The following PDE4D variants were observed in gnomAD, a reference collection of about 807,000 sequenced individuals.
PDE4D encodes the protein phosphodiesterase 4D.
In PDE4D, 24 loss-of-function variants were observed where a neutral mutation model predicts 87.4. The ratio of observed to expected loss-of-function variants is 0.27; its 90% CI spans 0.20 to 0.39. The LOEUF (loss-of-function observed/expected upper bound fraction) is 0.39. PDE4D is among the 10% of genes least tolerant of loss of function. The pLI is 1.00. For missense variants in PDE4D, 714 were observed against 1,041.0 expected, an observed-to-expected ratio of 0.69 and a Z score of 4.32; for synonymous variants, 384 against 383.2, an observed-to-expected ratio of 1.00 and a Z score of -0.02.
intron 1 of PDE4D, among the ~76,000 whole-genome samples, chr5:59,460,906 G>A (rs911717835): frequency 5.3e-5 from 8 of 152,174 alleles, no homozygotes; most frequent in South Asian, 4.1e-4. Context: ...CACTTGATTA[G>A]TAAATCACTC....
chr5:60,337,417 T>G, intron 1 of PDE4D, among the ~76,000 whole-genome samples: 1 of 110,890 alleles, frequency 9.0e-6, no homozygotes, highest in Non-Finnish European at 1.8e-5. Flanking sequence ...ATATATCAAT[T>G]CATAGATCAG....
At chr5:59,031,397 T>C (rs1392292482) in intron 6 of PDE4D, among the ~76,000 whole-genome samples, 1 of 93,662 alleles carries the variant, frequency 1.1e-5, no homozygotes, top group Non-Finnish European at 2.2e-5. Context: ...ATATATTATA[T>C]ATATATATAT....
At chr5:59,250,355 TG>T (rs1200593653) in intron 1 of PDE4D, among the ~76,000 whole-genome samples, 1 of 141,328 alleles carries the variant, frequency 7.1e-6, no homozygotes, top group Admixed American at 7.1e-5. Flanking sequence ...AAGCCAGGAG[TG>T]GTGGGGCACG....
chr5:60,197,077 T>TAGA (rs1562208441), intron 1 of PDE4D, among the ~76,000 whole-genome samples: 14 of 117,492 alleles, frequency 1.2e-4, no homozygotes, highest in East Asian at 2.5e-4. Context: ...AGATAGACAG[T>TAGA]TAGATAGATA....
At chr5:59,046,145 A>G (rs777558029) in intron 5 of PDE4D, among the ~76,000 whole-genome samples, 1 of 152,224 alleles carries the variant, frequency 6.6e-6, no homozygotes, top group Non-Finnish European at 1.5e-5. Flanking sequence ...CTGCATTAAA[A>G]TGTTCGATAA....
chr5:60,095,366 A>C (rs865892), intron 2 of PDE4D, among the ~76,000 whole-genome samples: 76,815 of 151,954 alleles, frequency 0.51, 19,924 homozygotes, highest in East Asian at 0.83. Context: ...GATGTCCCTG[A>C]AAAGGACAAG....
At chr5:59,686,751 A>G (rs1370363331) in intron 1 of PDE4D, among the ~76,000 whole-genome samples, 2 of 152,160 alleles carry the variant, frequency 1.3e-5, no homozygotes, top group Non-Finnish European at 2.9e-5. Flanking sequence ...ACAGATGACT[A>G]TGTACCACTA....
chr5:60,065,371 T>C (rs1771935705), intron 2 of PDE4D, among the ~76,000 whole-genome samples: 1 of 152,010 alleles, frequency 6.6e-6, no homozygotes. Flanking sequence ...GCACATTCTA[T>C]ATTACATCTT....
intron 1 of PDE4D, among the ~76,000 whole-genome samples, chr5:59,368,892 A>G (rs560952232): frequency 6.6e-6 from 1 of 152,336 alleles, no homozygotes; most frequent in African/African-American, 2.4e-5. Flanking sequence ...GCTAGGTAAA[A>G]TGAGAATGTG....
At chr5:59,502,101 T>C (rs1370186325) in intron 1 of PDE4D, among the ~76,000 whole-genome samples, 4 of 152,282 alleles carry the variant, frequency 2.6e-5, no homozygotes, top group East Asian at 3.9e-4. Flanking sequence ...TCTTTACCTT[T>C]ATATCCCTCC....
intron 6 of PDE4D, among the ~76,000 whole-genome samples, chr5:58,994,473 CAT>C (rs10561334): frequency 0.12 from 18,665 of 152,060 alleles, 1,247 homozygotes; most frequent in South Asian, 0.15. Flanking sequence ...TTTTTCTACA[CAT>C]AGAGTAACTG....
At chr5:60,229,390 G>A (rs1304678235) in intron 1 of PDE4D, among the ~76,000 whole-genome samples, 1 of 152,076 alleles carries the variant, frequency 6.6e-6, no homozygotes, top group Non-Finnish European at 1.5e-5. Flanking sequence ...ATAAAGCATT[G>A]TTTTTGTCAG....
At chr5:60,038,574 G>C (rs1768086655) in intron 2 of PDE4D, among the ~76,000 whole-genome samples, 1 of 152,034 alleles carries the variant, frequency 6.6e-6, no homozygotes. Flanking sequence ...CTCCAGCTTT[G>C]TTCTTTTGGC....
chr5:59,931,038 AAAC>A (rs141720640), intron 3 of PDE4D, among the ~76,000 whole-genome samples: 55,028 of 151,860 alleles, frequency 0.36, 11,744 homozygotes, highest in East Asian at 0.74. Flanking sequence ...CTTTCAAGGA[AAAC>A]AAATACTGCA....
At chr5:59,668,683 G>A (rs1341801031) in intron 1 of PDE4D, among the ~76,000 whole-genome samples, 3 of 150,152 alleles carry the variant, frequency 2.0e-5, no homozygotes, top group African/African-American at 7.4e-5. Context: ...ACTCCAGCCT[G>A]GACAGAGTCC....
chr5:59,789,079 G>A (rs1289654167), intron 1 of PDE4D, among the ~76,000 whole-genome samples: 1 of 152,132 alleles, frequency 6.6e-6, no homozygotes, highest in East Asian at 1.9e-4. Context: ...AGACAGCCAC[G>A]CGTTTTATAG....
At chr5:59,070,116 G>A (rs1015773668) in intron 5 of PDE4D, among the ~76,000 whole-genome samples, 1 of 152,152 alleles carries the variant, frequency 6.6e-6, no homozygotes, top group African/African-American at 2.4e-5. Context: ...AGTACTGCTT[G>A]AGAGTGATGT....
intron 5 of PDE4D, among the ~76,000 whole-genome samples, chr5:59,177,856 T>A (rs997163275): frequency 1.3e-5 from 2 of 152,200 alleles, no homozygotes; most frequent in Non-Finnish European, 2.9e-5. Flanking sequence ...AGAAGCCACA[T>A]GGAAGCTGGT....
intron 1 of PDE4D, among the ~76,000 whole-genome samples, chr5:59,890,473 A>T (rs1458617870): frequency 6.6e-6 from 1 of 152,202 alleles, no homozygotes; most frequent in Non-Finnish European, 1.5e-5. Context: ...GAGTTTCTAA[A>T]GTTAAAATCT....
Sources: allele counts gnomAD v4.1 joint callset (sites outside exome capture counted in the v4.1 genomes callset), GRCh38; gene constraint gnomAD v4.1.1; transcripts MANE v1.5; gene names NCBI Gene and HGNC (gene_info 2026-07-23, HGNC 2026-07-21).